SEL1L3: variants seen among roughly 807,000 people sequenced by gnomAD.
SEL1L3 encodes the protein SEL1L family member 3, also known as protein sel-1 homolog 3.
In SEL1L3, 76 loss-of-function variants were observed where a neutral mutation model predicts 142.8. The observed-to-expected ratio is 0.53, with a 90% confidence interval of 0.44 to 0.64. The LOEUF (loss-of-function observed/expected upper bound fraction) is 0.64. SEL1L3 is among the 30% of genes least tolerant of loss of function. The probability of loss-of-function intolerance (pLI) is 0.00; values close to 1 mark genes in which losing one functional copy is unlikely to be tolerated. For synonymous variants in SEL1L3, 504 were observed against 519.6 expected, an observed-to-expected ratio of 0.97 and a Z score of 0.41; for missense variants, 1,262 against 1,381.7, an observed-to-expected ratio of 0.91 and a Z score of 1.37.
At chr4:25,794,892 C>T (rs112284562) in intron 11 of SEL1L3, among the ~76,000 whole-genome samples, 2 of 152,068 alleles carry the variant, frequency 1.3e-5, no homozygotes, top group Admixed American at 1.3e-4. Context: ...GGAATGAGAT[C>T]ATGTCCTCTG....
intron 7 of SEL1L3, among the ~76,000 whole-genome samples, chr4:25,820,371 G>A (rs184435236): frequency 1.3e-5 from 2 of 152,300 alleles, no homozygotes; most frequent in Admixed American, 6.5e-5. Context: ...ATGGCTTCAG[G>A]ACAGGCCCCC....
chr4:25,727,741 C>G, the SEL1L3 span, among the ~76,000 whole-genome samples: 3 of 152,146 alleles, frequency 2.0e-5, no homozygotes, highest in Non-Finnish European at 1.5e-5. Flanking sequence ...CAGCATTTCC[C>G]TGAGACACGC....
intron 6 of SEL1L3, among the ~76,000 whole-genome samples, chr4:25,828,390 G>T (rs1472469599): frequency 2.8e-5 from 4 of 140,756 alleles, no homozygotes; most frequent in African/African-American, 7.8e-5. Context: ...TTATCTTTTC[G>T]TTTTTTTTTT....
intron 2 of SEL1L3, among the ~76,000 whole-genome samples, chr4:25,844,196 G>A (rs1716360557): frequency 6.6e-6 from 1 of 152,122 alleles, no homozygotes; most frequent in Non-Finnish European, 1.5e-5. Flanking sequence ...AGAAGCCCCT[G>A]CTAAGAACAA....
intron 23 of SEL1L3, among the ~76,000 whole-genome samples, chr4:25,752,534 T>C (rs978156811): frequency 1.3e-5 from 2 of 152,142 alleles, no homozygotes; most frequent in Non-Finnish European, 1.5e-5. Flanking sequence ...TATTTATGTG[T>C]GGGTATTACC....
intron 23 of SEL1L3, chr4:25,756,100 G>A (rs373645261): frequency 3.3e-5 from 33 of 985,272 alleles, no homozygotes; most frequent in East Asian, 1.1e-4. Context: ...AGACGCTGAC[G>A]TGCACCCCTT....
intron 10 of SEL1L3, 119 bp from the exon 11 acceptor site, chr4:25,802,581 T>A: frequency 1.2e-6 from 1 of 853,674 alleles, no homozygotes. Flanking sequence ...CAGAAATATG[T>A]TAACTTGCCT....
In SEL1L3 at chr4:25,784,297, A is replaced by G. The variant is rs1278156458; in HGVS notation, c.2218-7T>C. On this transcript the variant is annotated splice_region_variant and splice_polypyrimidine_tract_variant and intron_variant, in intron 13 of 23. Transcript: ENST00000399878. Reference sequence around the variant, plus strand: ...TCTTTTTTACTCCTTGACCCTAAACATTGATAAACAGCGATGATTACAAAG... The same window carrying G: ...TCTTTTTTACTCCTTGACCCTAAACGTTGATAAACAGCGATGATTACAAAG... 6.2e-7 allele frequency: 1 copy of G among 1,611,724 alleles called. No individual in the cohort carries two copies. The highest frequency in any genetic ancestry group is 2.2e-5 in the East Asian group (1 of 44,874).
chr4:25,815,632 T>C (rs749462087), intron 9 of SEL1L3, among the ~76,000 whole-genome samples: 1 of 152,122 alleles, frequency 6.6e-6, no homozygotes, highest in Non-Finnish European at 1.5e-5. Context: ...GTGGTCTTAG[T>C]CCATTTAGCC....
At chr4:25,796,446 A>AT (rs1399072553) in intron 11 of SEL1L3, among the ~76,000 whole-genome samples, 4 of 151,688 alleles carry the variant, frequency 2.6e-5, no homozygotes, top group African/African-American at 9.7e-5. Flanking sequence ...AGAAAAAAAA[A>AT]ATATGTGTGT....
chr4:25,714,931 A>G, the SEL1L3 span, among the ~76,000 whole-genome samples: 1 of 152,172 alleles, frequency 6.6e-6, no homozygotes, highest in Admixed American at 6.6e-5. Context: ...ATGACATCAG[A>G]TCAGGAAAAA....
the SEL1L3 span, among the ~76,000 whole-genome samples, chr4:25,730,082 C>CTA: frequency 0.28 from 42,394 of 151,736 alleles, 7,088 homozygotes; most frequent in East Asian, 0.39. Context: ...CCTCAGCACC[C>CTA]GCCACCATGC....
At chr4:25,845,115 A>G (rs1201768196) in intron 2 of SEL1L3, among the ~76,000 whole-genome samples, 2 of 152,248 alleles carry the variant, frequency 1.3e-5, no homozygotes, top group African/African-American at 2.4e-5. Flanking sequence ...TTAGATCAGC[A>G]TTACTTCCCC....
chr4:25,785,757 A>T (rs1165683956), intron 13 of SEL1L3, among the ~76,000 whole-genome samples: 1 of 152,212 alleles, frequency 6.6e-6, no homozygotes, highest in Non-Finnish European at 1.5e-5. Flanking sequence ...CTTCTGGAAA[A>T]GCATCAGAAA....
At chr4:25,714,523 T>TCTTTCTTC in the SEL1L3 span, among the ~76,000 whole-genome samples, 1 of 138,798 alleles carries the variant, frequency 7.2e-6, no homozygotes, top group South Asian at 2.2e-4. Flanking sequence ...TTTCTTTCTT[T>TCTTTCTTC]CTTTCTTTCT....
intron 11 of SEL1L3, among the ~76,000 whole-genome samples, chr4:25,793,225 C>T (rs1244953827): frequency 6.6e-6 from 1 of 152,082 alleles, no homozygotes; most frequent in African/African-American, 2.4e-5. Context: ...GCCTTACCAT[C>T]GTGAGAAGTA....
downstream of SEL1L3, among the ~76,000 whole-genome samples, chr4:25,744,507 C>T (rs1457579459): frequency 6.6e-6 from 1 of 151,972 alleles, no homozygotes; most frequent in Admixed American, 6.6e-5. Context: ...GCGTGCACCA[C>T]CACGCCCAGC....
chr4:25,769,913 A>G (rs893234557), intron 17 of SEL1L3, among the ~76,000 whole-genome samples: 1 of 152,080 alleles, frequency 6.6e-6, no homozygotes, highest in Non-Finnish European at 1.5e-5. Flanking sequence ...AGATCGCTTG[A>G]GCTCTGGAGT....
In SEL1L3 at chr4:25,748,142, T is replaced by C. The variant is rs1412092256; in HGVS notation, c.*283A>G. 4.8e-6 allele frequency: 2 copies of C among 413,958 alleles called. No homozygotes were observed. Among genetic ancestry groups the C allele is most frequent in the Non-Finnish European group, 4.4e-6 (1 of 225,904 alleles). The allele number at this position is 413,958 out of a possible 1,614,324, so 25.6% of individuals were successfully genotyped here. A position where few individuals can be genotyped will look rare whatever the true frequency, so the allele number is the denominator to read the frequency against. ...AGGGCATGCTATGACTCCTAATACA[T>C]ACAATCACTAGAACAAAAGTCTGTG... On this transcript the variant is annotated 3_prime_UTR_variant, in exon 24 of 24. Transcript: ENST00000399878.
Sources: allele counts gnomAD v4.1 joint callset (sites outside exome capture counted in the v4.1 genomes callset), GRCh38; gene constraint gnomAD v4.1.1; transcripts MANE v1.5; gene names NCBI Gene and HGNC (gene_info 2026-07-23, HGNC 2026-07-21).